The following SHISA9 variants were observed in gnomAD, a reference collection of about 807,000 sequenced individuals.
SHISA9 encodes the protein protein shisa-9.
In SHISA9, 13 loss-of-function variants were observed where a neutral mutation model predicts 38.0. The ratio of observed to expected loss-of-function variants is 0.34; its 90% CI spans 0.22 to 0.54. SHISA9 has a LOEUF of 0.54. SHISA9 is among the 20% of genes least tolerant of loss of function. The pLI is 0.91. For synonymous variants in SHISA9, 275 were observed against 242.0 expected, an observed-to-expected ratio of 1.14 and a Z score of -1.27; for missense variants, 538 against 575.8, an observed-to-expected ratio of 0.93 and a Z score of 0.67.
At chr16:13,538,345 C>T in the SHISA9 span, among the ~76,000 whole-genome samples, 1 of 152,130 alleles carries the variant, frequency 6.6e-6, no homozygotes, top group Non-Finnish European at 1.5e-5. Context: ...CTTTTATAAA[C>T]ACAAGACATA....
chr16:12,963,768 G>A (rs2071941551), intron 2 of SHISA9, among the ~76,000 whole-genome samples: 1 of 152,130 alleles, frequency 6.6e-6, no homozygotes, highest in Admixed American at 6.6e-5. Context: ...GTTTCACAAA[G>A]TATCATACAG....
At chr16:13,287,361 T>A in the SHISA9 span, among the ~76,000 whole-genome samples, 1 of 152,212 alleles carries the variant, frequency 6.6e-6, no homozygotes, top group African/African-American at 2.4e-5. Flanking sequence ...TGTGCGAATC[T>A]GAGCTGAAGT....
intron 2 of SHISA9, among the ~76,000 whole-genome samples, chr16:13,103,561 C>A (rs2073899240): frequency 6.6e-6 from 1 of 152,134 alleles, no homozygotes; most frequent in African/African-American, 2.4e-5. Context: ...GTAACCCAAC[C>A]TGCCTAGGCC....
the SHISA9 span, among the ~76,000 whole-genome samples, chr16:13,537,726 G>A: frequency 8.5e-5 from 13 of 152,104 alleles, no homozygotes; most frequent in African/African-American, 3.1e-4. Context: ...GCATCAAAAA[G>A]GATGCATTGT....
chr16:13,241,549 C>T (rs967191999), downstream of SHISA9, among the ~76,000 whole-genome samples: 2 of 152,108 alleles, frequency 1.3e-5, no homozygotes, highest in Non-Finnish European at 2.9e-5. Context: ...AGAGATGCAC[C>T]TACTGGTGAT....
At chr16:13,196,415 G>GAAAGA (rs2050943419) in intron 2 of SHISA9, among the ~76,000 whole-genome samples, 2 of 128,392 alleles carry the variant, frequency 1.6e-5, no homozygotes, top group African/African-American at 6.1e-5. Context: ...AAAAAAGAAA[G>GAAAGA]AAAAAAAAAA....
intron 2 of SHISA9, among the ~76,000 whole-genome samples, chr16:12,990,608 C>T (rs2072371875): frequency 6.6e-6 from 1 of 152,146 alleles, no homozygotes; most frequent in African/African-American, 2.4e-5. Context: ...GGTTTTGCCT[C>T]CTGGGGGACA....
At chr16:13,503,838 T>C in the SHISA9 span, among the ~76,000 whole-genome samples, 1 of 152,344 alleles carries the variant, frequency 6.6e-6, no homozygotes, top group East Asian at 1.9e-4. Flanking sequence ...GAATAATGAA[T>C]TGCAGAGGGG....
chr16:13,328,610 AC>A, the SHISA9 span, among the ~76,000 whole-genome samples: 1 of 142,990 alleles, frequency 7.0e-6, no homozygotes, highest in Non-Finnish European at 1.5e-5. Flanking sequence ...ACACACACAC[AC>A]ACACACACAC....
At chr16:13,310,818 G>A in the SHISA9 span, among the ~76,000 whole-genome samples, 1 of 151,630 alleles carries the variant, frequency 6.6e-6, no homozygotes, top group Non-Finnish European at 1.5e-5. Flanking sequence ...CAAGCAGCTG[G>A]GACTACAGGG....
chr16:13,345,515 CATTT>C, the SHISA9 span, among the ~76,000 whole-genome samples: 1 of 152,124 alleles, frequency 6.6e-6, no homozygotes, highest in Non-Finnish European at 1.5e-5. Context: ...CACTGATGGG[CATTT>C]AGGTTGATTT....
intron 2 of SHISA9, among the ~76,000 whole-genome samples, chr16:13,074,077 C>T (rs1567203249): frequency 6.7e-6 from 1 of 148,906 alleles, no homozygotes; most frequent in African/African-American, 2.5e-5. Context: ...TCAAGTGATT[C>T]TCCTGCCTCA....
the SHISA9 span, among the ~76,000 whole-genome samples, chr16:13,385,885 A>T: frequency 2.6e-5 from 4 of 152,240 alleles, no homozygotes; most frequent in African/African-American, 9.6e-5. Flanking sequence ...ATGCTGAGTG[A>T]AAAAAGGCAA....
the SHISA9 span, among the ~76,000 whole-genome samples, chr16:13,512,882 G>A: frequency 6.6e-6 from 1 of 151,976 alleles, no homozygotes; most frequent in African/African-American, 2.4e-5. Context: ...AAACTTAAAT[G>A]TAAAACCCAA....
the SHISA9 span, among the ~76,000 whole-genome samples, chr16:13,443,735 T>C: frequency 6.6e-6 from 1 of 152,216 alleles, no homozygotes; most frequent in Non-Finnish European, 1.5e-5. Flanking sequence ...TGGGAAAGAT[T>C]AACATTAACA....
chr16:13,530,331 T>A, the SHISA9 span, among the ~76,000 whole-genome samples: 1 of 151,756 alleles, frequency 6.6e-6, no homozygotes, highest in African/African-American at 2.4e-5. Flanking sequence ...TAAATAAATA[T>A]CACCTACCAG....
intron 2 of SHISA9, among the ~76,000 whole-genome samples, chr16:13,139,163 T>C (rs537668453): frequency 6.6e-6 from 1 of 152,274 alleles, no homozygotes; most frequent in South Asian, 2.1e-4. Flanking sequence ...TTTCTTCACT[T>C]CTTCATTTCT....
At chr16:13,213,229 A>T in intron 3 of SHISA9, 24 bp from the exon 4 acceptor site, 1 of 1,550,890 alleles carries the variant, frequency 6.4e-7, no homozygotes, top group East Asian at 2.4e-5. Flanking sequence ...GATCATCAGC[A>T]TTTCTTGATT....
At chr16:13,095,192 G>T (rs532206226) in intron 2 of SHISA9, among the ~76,000 whole-genome samples, 2 of 152,332 alleles carry the variant, frequency 1.3e-5, no homozygotes, top group South Asian at 4.2e-4. Context: ...TTTCTCAGAA[G>T]GAGATTGGCA....
Sources: allele counts gnomAD v4.1 joint callset (sites outside exome capture counted in the v4.1 genomes callset), GRCh38; gene constraint gnomAD v4.1.1; transcripts MANE v1.5; gene names NCBI Gene and HGNC (gene_info 2026-07-23, HGNC 2026-07-21).